The following HDAC11 variants were observed in gnomAD, a reference collection of about 807,000 sequenced individuals.
HDAC11 encodes the protein histone deacetylase 11.
A neutral mutation model predicts 41.1 loss-of-function variants in HDAC11; 23 were observed. That is an observed-to-expected ratio of 0.56 (90% CI 0.40 to 0.79). The LOEUF is 0.79. HDAC11 is among the 30% of genes least tolerant of loss of function. The probability of loss-of-function intolerance (pLI) is 0.00; values close to 1 mark genes in which losing one functional copy is unlikely to be tolerated. For synonymous variants in HDAC11, 187 were observed against 186.6 expected (o/e 1.00, Z -0.02); for missense variants, 402 against 477.3 (o/e 0.84, Z 1.47).
rs560726572 is a variant in HDAC11 at position 13,505,047 on chromosome 3, T to G, written c.*364T>G. ...TGGTTTTGAGAACGGCAGACCCAGG[T>G]CGGAGTGAGGAAGCTTCCACCTCCA... is the stretch of plus-strand genomic sequence containing the variant. On this transcript the variant is annotated 3_prime_UTR_variant, in exon 10 of 10. Transcript: ENST00000295757. 1.1e-4 allele frequency: 35 copies of G among 316,324 alleles called. No individual in the cohort carries two copies. Among genetic ancestry groups the G allele is most frequent in the Admixed American group, 3.7e-4 (9 of 24,148 alleles). 19.6% of individuals were successfully genotyped at this position (316,324 alleles called of 1,614,324 possible).
rs1412420942 is a variant in HDAC11 at position 13,506,334 on chromosome 3, T to C, written c.*1651T>C. On this transcript the variant is annotated 3_prime_UTR_variant, in exon 10 of 10. Transcript: ENST00000295757. Reference sequence around the variant, plus strand: ...GCAAAGAATCCCTACCTCCTAGGGGTGAAAGGAAATGAAAATGGAAAGTTC... The same window carrying C: ...GCAAAGAATCCCTACCTCCTAGGGGCGAAAGGAAATGAAAATGGAAAGTTC... 1 of 151,790 alleles carries C rather than the reference T, an allele frequency of 6.6e-6. No homozygotes were observed. Among genetic ancestry groups the C allele is most frequent in the East Asian group, 1.9e-4 (1 of 5,166 alleles). The allele number at this position is 151,790 out of a possible 1,614,324, so 9.4% of individuals were successfully genotyped here. A position where few individuals can be genotyped will look rare whatever the true frequency, so the allele number is the denominator to read the frequency against.
Position 13,505,048 on chromosome 3 carries a change from C to T in HDAC11, c.*365C>T, listed in dbSNP as rs1487502756. On this transcript the variant is annotated 3_prime_UTR_variant, in exon 10 of 10. Transcript: ENST00000295757. ...GGTTTTGAGAACGGCAGACCCAGGT[C>T]GGAGTGAGGAAGCTTCCACCTCCAT... 1.3e-5 allele frequency: 4 copies of T among 313,560 alleles called. No homozygotes were observed. Among genetic ancestry groups the T allele is most frequent in the East Asian group, 7.1e-5 (1 of 14,134 alleles). 19.4% of individuals were successfully genotyped at this position (313,560 alleles called of 1,614,324 possible). A position where few individuals can be genotyped will look rare whatever the true frequency, so the allele number is the denominator to read the frequency against.
intron 3 of HDAC11, among the ~76,000 whole-genome samples, chr3:13,487,771 G>A (rs1426967382): frequency 6.6e-6 from 1 of 152,200 alleles, no homozygotes; most frequent in Non-Finnish European, 1.5e-5. Flanking sequence ...GGGATGGGAT[G>A]GAGCAAAAGA....
At chr3:13,489,793 C>T (rs1004731278) in intron 3 of HDAC11, among the ~76,000 whole-genome samples, 2 of 152,160 alleles carry the variant, frequency 1.3e-5, no homozygotes, top group East Asian at 1.9e-4. Context: ...GTCCTGAATT[C>T]GTGACCTCAA....
At chr3:13,487,695 C>T (rs891217921) in intron 3 of HDAC11, among the ~76,000 whole-genome samples, 1 of 152,074 alleles carries the variant, frequency 6.6e-6, no homozygotes, top group Non-Finnish European at 1.5e-5. Context: ...CTGCACTGGA[C>T]AGTGCTCAGA....
chr3:13,492,246 C>T (rs1398954696), intron 3 of HDAC11, among the ~76,000 whole-genome samples: 2 of 152,198 alleles, frequency 1.3e-5, no homozygotes, highest in Non-Finnish European at 2.9e-5. Flanking sequence ...GTTACAGGCC[C>T]TTGTCAGTCA....
At chr3:13,494,715 T>TC (rs76651795) in intron 3 of HDAC11, among the ~76,000 whole-genome samples, 4,930 of 152,262 alleles carry the variant, frequency 0.032, 318 homozygotes, top group East Asian at 0.26. Context: ...GATGCCAGCT[T>TC]CCCCCGCCTT....
intron 3 of HDAC11, among the ~76,000 whole-genome samples, chr3:13,485,037 G>A (rs1056167601): frequency 3.9e-5 from 6 of 152,242 alleles, no homozygotes; most frequent in Non-Finnish European, 8.8e-5. Context: ...CCTGAGGCCA[G>A]CAGGCCCCTC....
At chr3:13,491,464 T>C (rs1701862567) in intron 3 of HDAC11, among the ~76,000 whole-genome samples, 1 of 152,108 alleles carries the variant, frequency 6.6e-6, no homozygotes, top group South Asian at 2.1e-4. Context: ...TGAGAGATCG[T>C]GTTTTCCCCT....
chr3:13,502,269 G>T lies in HDAC11; in HGVS notation c.552+336G>T. The T allele has an allele frequency of 3.4e-6, 1 of 294,176 alleles. No individual in the cohort carries two copies. The highest frequency in any genetic ancestry group is 6.9e-5 in the South Asian group (1 of 14,424). The allele number at this position is 294,176 out of a possible 1,614,324, so 18.2% of individuals were successfully genotyped here. A position where few individuals can be genotyped will look rare whatever the true frequency, so the allele number is the denominator to read the frequency against. On this transcript the variant is annotated intron_variant, in intron 7 of 9. Transcript: ENST00000295757. This position sits in a 1 kb window ranked among gnomAD's most constrained non-coding sequence, Gnocchi z 4.1. ...TTTGGGGCACTGCCCCCTGCCCAGA[G>T]CTGCTGAGCACTGGCCACCTGCCCC...
intron 3 of HDAC11, among the ~76,000 whole-genome samples, chr3:13,495,473 C>G (rs572349181): frequency 7.9e-5 from 12 of 152,280 alleles, no homozygotes; most frequent in Non-Finnish European, 1.6e-4. Context: ...CACCTGGGCC[C>G]TCTACCCCTT....
intron 3 of HDAC11, among the ~76,000 whole-genome samples, chr3:13,492,173 G>T (rs980777485): frequency 9.9e-5 from 15 of 152,236 alleles, no homozygotes; most frequent in African/African-American, 3.6e-4. Context: ...CTGATTCCAT[G>T]GAGATCTCTG....
intron 9 of HDAC11, 89 bp from the exon 10 acceptor site, chr3:13,504,379 C>T: frequency 7.0e-6 from 11 of 1,581,542 alleles, no homozygotes; most frequent in Non-Finnish European, 9.5e-6. Context: ...GAAGCAACAG[C>T]AGTTTGGAGC....
intron 6 of HDAC11, 66 bp downstream of exon 6, chr3:13,500,855 A>G (rs1702330372): frequency 1.7e-6 from 2 of 1,194,622 alleles, no homozygotes; most frequent in Non-Finnish European, 2.3e-6. Context: ...CATAGCTCCA[A>G]ATTAACTGTT....
chr3:13,498,772 C>T (rs1033147032), intron 5 of HDAC11, among the ~76,000 whole-genome samples: 11 of 152,142 alleles, frequency 7.2e-5, no homozygotes, highest in African/African-American at 2.2e-4. Context: ...CTCCATCTGA[C>T]GTGGGATCCT....
intron 3 of HDAC11, among the ~76,000 whole-genome samples, chr3:13,495,632 A>G (rs939457298): frequency 4.6e-5 from 7 of 152,112 alleles, no homozygotes; most frequent in Admixed American, 3.3e-4. Context: ...GGACAGCACC[A>G]TCTATGGTTC....
rs777827300 is a variant in HDAC11, at chr3:13,504,555, A to G, written c.916A>G (p.Lys306Glu). 7 of 1,613,586 alleles carry G rather than the reference A, an allele frequency of 4.3e-6. No individual in the cohort carries two copies. In the Admixed American group the frequency reaches 5.0e-5, roughly 12 times the overall value. Residue 306 changes from lysine to glutamate, a missense_variant, in exon 10 of 10, where the codon AAG (lysine) becomes GAG (glutamate). By Grantham distance (56) the Lys-to-Glu change is moderately conservative (BLOSUM62 1). Coordinates refer to ENST00000295757, the MANE Select transcript of HDAC11 (RefSeq NM_024827.4). ...ILMVTSGGYQKRTARIIADSI... is the reference protein window; with the variant it reads ...ILMVTSGGYQERTARIIADSI... ...TATGGTGACCTCAGGCGGGTACCAG[A>G]AGCGCACAGCCCGCATCATTGCTGA...
At position 13,504,279 on chromosome 3, in the gene HDAC11, C is replaced by T. The variant is rs1702510598; in HGVS notation, c.828+7C>T. On this transcript the variant is annotated splice_region_variant and intron_variant, in intron 9 of 9. Transcript: ENST00000295757. ...GCTGTCCATCAGCCCAGCGGTACGTCCTGACCCTTGGGGCCACGGGAGGGT... is the reference window on the plus strand; with the variant it reads ...GCTGTCCATCAGCCCAGCGGTACGTTCTGACCCTTGGGGCCACGGGAGGGT... 2 of 1,612,674 alleles carry T rather than the reference C, an allele frequency of 1.2e-6. No homozygotes were observed. The highest frequency in any genetic ancestry group is 1.7e-6 in the Non-Finnish European group (2 of 1,179,672).
chr3:13,493,757 A>G (rs962704974), intron 3 of HDAC11, among the ~76,000 whole-genome samples: 1 of 152,152 alleles, frequency 6.6e-6, no homozygotes, highest in Admixed American at 6.5e-5. Flanking sequence ...TGGCACAGCA[A>G]ACACACATAC....
Sources: gnomAD v4.1 joint callset for allele counts (sites outside exome capture counted in the v4.1 genomes callset) on GRCh38, gnomAD v4.1.1 for gene constraint, Gnocchi (gnomAD v3.1) non-coding constraint, MANE v1.5 for transcripts, NCBI Gene and HGNC (gene_info 2026-07-23, HGNC 2026-07-21) for gene names.